Variants in CYP1B1 observed in about 807,000 individuals in gnomAD.
CYP1B1 encodes the protein cytochrome P450 family 1 subfamily B member 1, also known as cytochrome P450 1B1.
CYP1B1 carries 22 observed loss-of-function variants against 29.9 expected under a neutral mutation model. The ratio of observed to expected loss-of-function variants is 0.74; its 90% CI spans 0.53 to 1.05. The LOEUF is 1.05. CYP1B1 is among the 50% of genes least tolerant of loss of function. The pLI is 0.00. For synonymous variants in CYP1B1, 375 were observed against 320.0 expected, an observed-to-expected ratio of 1.17 and a Z score of -1.83; for missense variants, 883 against 746.9, an observed-to-expected ratio of 1.18 and a Z score of -2.12.
chr2:38,075,313 G>T lies in CYP1B1; in HGVS notation c.76C>A (p.Leu26Ile). The change falls in exon 2 of 3, where the codon CTC (leucine) becomes ATC (isoleucine). Residue 26 changes from leucine (L) to isoleucine (I), a missense_variant. By Grantham distance (5) the Leu-to-Ile change is conservative. Coordinates refer to ENST00000610745, the MANE Select transcript of CYP1B1 (RefSeq NM_000104.4). Reference protein sequence around the residue: ...LSIQQTTLLLLLSVLATVHVG... With the variant: ...LSIQQTTLLLILSVLATVHVG... ...TGCACAGTGGCCAGCACCGACAGGA[G>T]TAGCAGGAGCGTGGTCTGCTGGATG... The T allele has an allele frequency of 6.2e-7, 1 of 1,612,416 alleles. No homozygotes were observed. The highest frequency in any genetic ancestry group is 8.5e-7 in the Non-Finnish European group (1 of 1,179,768).
intron 2 of CYP1B1, among the ~76,000 whole-genome samples, chr2:38,072,386 A>T (rs575812379): frequency 1.7e-4 from 26 of 152,310 alleles, no homozygotes; most frequent in Admixed American, 7.8e-4. Context: ...AAATTAAAAT[A>T]AAAATTTTAA....
At position 38,073,147 on chromosome 2, in the gene CYP1B1, T is replaced by A. The variant is rs9341253; in HGVS notation, c.1043+1199A>T. ...GCCTCTCCCTCACCCACCATGGGTGTTTCTATGATTTTAATACTAAAAAGC... is the reference window on the plus strand; with the variant it reads ...GCCTCTCCCTCACCCACCATGGGTGATTCTATGATTTTAATACTAAAAAGC... On this transcript the variant is annotated intron_variant, in intron 2 of 2. Transcript: ENST00000610745. Among the ~76,000 whole-genome samples, 1,262 of 152,354 alleles carry A rather than the reference T, an allele frequency of 8.3e-3. 12 individuals are homozygous for A. The highest frequency in any genetic ancestry group is 0.013 in the Non-Finnish European group (900 of 68,040).
In CYP1B1 at chr2:38,074,618, A is replaced by G. The variant is rs1573275239; in HGVS notation, c.771T>C (p.Val257=). ...GGTTGAGCTGCTCGAATTCGCGGAA[A>G]ACGGTGCGCACCGGGTTGGGGAAGT... ...LQYFPNPVRT[V]FREFEQLNRN... is the part of the protein sequence containing the mutation. The change falls in exon 2 of 3, where the codon GTT becomes GTC. Residue 257 remains valine, a synonymous_variant. Coordinates refer to ENST00000610745, the MANE Select transcript of CYP1B1 (RefSeq NM_000104.4). The G allele has an allele frequency of 6.2e-7, 1 of 1,613,548 alleles. No homozygotes were observed. The highest frequency in any genetic ancestry group is 1.3e-5 in the African/African-American group (1 of 75,046).
rs9341257 is a variant in CYP1B1, at chr2:38,071,601, A to G, written c.1044-291T>C. Among the ~76,000 whole-genome samples, 329 of 152,320 alleles carry G rather than the reference A, an allele frequency of 2.2e-3. 2 individuals are homozygous for G. Among genetic ancestry groups the G allele is most frequent in the Non-Finnish European group, 3.8e-3 (259 of 68,024 alleles). ...AAGTTTTCCCAGCCTCAAAAAGCAC[A>G]ATAGTAGATAAGGCTGACTTTTCCA... On this transcript the variant is annotated intron_variant, in intron 2 of 2. Transcript: ENST00000610745.
rs375391843 is a variant in CYP1B1, at chr2:38,074,688, G to A, written c.701C>T (p.Thr234Met). The A allele has an allele frequency of 6.9e-5, 111 of 1,612,668 alleles. 1 individual carries two copies. The Middle Eastern group carries it at 8.2e-4, about 12-fold the overall frequency. ...LLSHNEEFGR[T>M]VGAGSLVDVM... is the part of the protein sequence containing the mutation. ...GTCCACCAGGCTGCCCGCGCCCACCGTGCGCCCGAACTCTTCGTTGTGGCT... is the reference window on the plus strand; with the variant it reads ...GTCCACCAGGCTGCCCGCGCCCACCATGCGCCCGAACTCTTCGTTGTGGCT... Residue 234 changes from threonine (T) to methionine (M), a missense_variant, in exon 2 of 3, where the codon ACG (threonine) becomes ATG (methionine). Physicochemically the swap from Thr to Met is moderately conservative, Grantham distance 81. Transcript: ENST00000610745.
Position 38,070,893 on chromosome 2 carries a change from C to T in CYP1B1, c.1461G>A (p.Leu487=). Residue 487 remains leucine, a synonymous_variant, in exon 3 of 3, where the codon CTG becomes CTA. Transcript: ENST00000610745. ...KMQLFLFISI[L]AHQCDFRANP... ...TGGCCCTGAAATCGCACTGGTGAGC[C>T]AGGATGGAGATGAAGAGAAAAAGCT... 1 of 1,614,132 alleles carries T rather than the reference C, an allele frequency of 6.2e-7. No individual in the cohort carries two copies. The highest frequency in any genetic ancestry group is 8.5e-7 in the Non-Finnish European group (1 of 1,180,032).
chr2:38,070,491 G>T lies in CYP1B1; in HGVS notation c.*231C>A. 1.8e-6 allele frequency: 1 copy of T among 556,300 alleles called. No individual in the cohort carries two copies. Among genetic ancestry groups the T allele is most frequent in the Admixed American group, 3.4e-5 (1 of 29,782 alleles). The allele number at this position is 556,300 out of a possible 1,614,324, so 34.5% of individuals were successfully genotyped here. A position where few individuals can be genotyped will look rare whatever the true frequency, so the allele number is the denominator to read the frequency against. ...GCAGTATGTATATAATAATTCATTG[G>T]GCCCTTTAAGTCTTTGACTCAAAAA... is the stretch of plus-strand genomic sequence containing the variant. On this transcript the variant is annotated 3_prime_UTR_variant, in exon 3 of 3. Coordinates refer to ENST00000610745, the MANE Select transcript of CYP1B1 (RefSeq NM_000104.4).
In CYP1B1 at chr2:38,067,898, A is replaced by C. The variant is rs2125313572; in HGVS notation, c.*2824T>G. On this transcript the variant is annotated 3_prime_UTR_variant, in exon 3 of 3. Coordinates refer to ENST00000610745, the MANE Select transcript of CYP1B1 (RefSeq NM_000104.4). ...TTGTGTCACAGCTAAAAACACACAAATTAACATATACTGCTATGCAACTAT... is the reference window on the plus strand; with the variant it reads ...TTGTGTCACAGCTAAAAACACACAACTTAACATATACTGCTATGCAACTAT... 1 of 189,660 alleles carries C rather than the reference A, an allele frequency of 5.3e-6. No individual in the cohort carries two copies. The highest frequency in any genetic ancestry group is 8.5e-5 in the East Asian group (1 of 11,780). 11.7% of individuals were successfully genotyped at this position (189,660 alleles called of 1,614,324 possible).
chr2:38,074,533 C>T lies in CYP1B1; in HGVS notation c.856G>A (p.Gly286Arg), dbSNP rs750132418. Residue 286 changes from glycine (G) to arginine (R), a missense_variant, in exon 2 of 3, where the codon GGG becomes AGG. Transcript: ENST00000610745. ...TCCATCATGTCGCGGGGGGCGGCCC[C>T]GGGCCGAAGGCTTTCGCAGTGCCTC... is the stretch of plus-strand genomic sequence containing the variant. ...FLRHCESLRP[G>R]AAPRDMMDAF... 3 of 1,607,546 alleles carry T rather than the reference C, an allele frequency of 1.9e-6. No homozygotes were observed. The highest frequency in any genetic ancestry group is 1.7e-5 in the Admixed American group (1 of 58,742).
rs10916 is a variant in CYP1B1 at position 38,070,027 on chromosome 2, C to A, written c.*695G>T. 157,126 of 201,790 alleles carry A rather than the reference C, an allele frequency of 0.78. 61,578 individuals are homozygous for A. The highest frequency in any genetic ancestry group is 0.92 in the South Asian group (4,812 of 5,244). The allele number at this position is 201,790 out of a possible 1,614,324, so 12.5% of individuals were successfully genotyped here. On this transcript the variant is annotated 3_prime_UTR_variant, in exon 3 of 3. Transcript: ENST00000610745. ...ATGCATACTTTAAAATTCATGATAA[C>A]TCATGGAACCCCACTATACTCACTA...
At position 38,074,705 on chromosome 2, in the gene CYP1B1, G is replaced by A. The variant is rs773085958; in HGVS notation, c.684C>T (p.Asn228=). Residue 228 remains asparagine, a synonymous_variant, in exon 2 of 3, where the codon AAC becomes AAT. Coordinates refer to ENST00000610745, the MANE Select transcript of CYP1B1 (RefSeq NM_000104.4). ...CGCCCACCGTGCGCCCGAACTCTTCGTTGTGGCTGAGCAGCTCACGGAACT... is the reference window on the plus strand; with the variant it reads ...CGCCCACCGTGCGCCCGAACTCTTCATTGTGGCTGAGCAGCTCACGGAACT... ...DPEFRELLSH[N]EEFGRTVGAG... The A allele has an allele frequency of 6.2e-6, 10 of 1,612,114 alleles. No homozygotes were observed. The highest frequency in any genetic ancestry group is 3.3e-4 in the Middle Eastern group (2 of 6,060).
Position 38,070,971 on chromosome 2 carries a change from C to G in CYP1B1, c.1383G>C (p.Met461Ile), listed in dbSNP as rs773249406. The G allele has an allele frequency of 6.2e-6, 10 of 1,614,082 alleles. No individual in the cohort carries two copies. The highest frequency in any genetic ancestry group is 5.9e-6 in the Non-Finnish European group (7 of 1,179,944). The change falls in exon 3 of 3, where the codon ATG becomes ATC. Residue 461 changes from methionine (M) to isoleucine (I), a missense_variant. Transcript: ENST00000610745. ...ACCGCCTTTTGCCCACTGAAAAAAT[C>G]ATCACTCTGCTGGTCAGGTCCTTGT... is the stretch of plus-strand genomic sequence containing the variant. ...LINKDLTSRV[M>I]IFSVGKRRCI... is the part of the protein sequence containing the mutation.
chr2:38,074,026 A>T (rs1025135019), intron 2 of CYP1B1: 4 of 476,276 alleles, frequency 8.4e-6, no homozygotes, highest in African/African-American at 7.8e-5. Context: ...ATCAGGGCTC[A>T]TCTCCAAGCA....
Position 38,074,426 on chromosome 2 carries a change from C to A in CYP1B1, c.963G>T (p.Pro321=). The A allele has an allele frequency of 6.2e-7, 1 of 1,613,386 alleles. No individual in the cohort carries two copies. Among genetic ancestry groups the A allele is most frequent in the Non-Finnish European group, 8.5e-7 (1 of 1,179,950 alleles). Residue 321 remains proline, a synonymous_variant, in exon 2 of 3, where the codon CCG becomes CCT. Transcript: ENST00000610745. ...GGARLDLENV[P]ATITDIFGAS... ...CGCCGAAGATGTCAGTGATAGTGGC[C>A]GGTACGTTCTCCAAATCCAGCCGCG...
chr2:38,075,379 T>C lies in CYP1B1; in HGVS notation c.10A>G (p.Ser4Gly). The C allele has an allele frequency of 6.2e-7, 1 of 1,612,638 alleles. No individual in the cohort carries two copies. Among genetic ancestry groups the C allele is most frequent in the South Asian group, 1.1e-5 (1 of 90,904 alleles). MGT[S>G]LSPNDPWPLN... ...GGCCAAGGGTCGTTCGGGCTGAGGC[T>C]GGTGCCCATGCTGGGGACAGAGAGG... Residue 4 changes from serine to glycine, a missense_variant, in exon 2 of 3, where the codon AGC becomes GGC. Ser to Gly is a moderately conservative substitution (Grantham distance 56). Transcript: ENST00000610745.
chr2:38,072,962 G>A (rs548057976), intron 2 of CYP1B1, among the ~76,000 whole-genome samples: 1 of 152,194 alleles, frequency 6.6e-6, no homozygotes, highest in South Asian at 2.1e-4. Flanking sequence ...TCTTTTTGCC[G>A]CCTAATTGGA....
chr2:38,069,232 T>G lies in CYP1B1; in HGVS notation c.*1490A>C, dbSNP rs1682378327. On this transcript the variant is annotated 3_prime_UTR_variant, in exon 3 of 3. Coordinates refer to ENST00000610745, the MANE Select transcript of CYP1B1 (RefSeq NM_000104.4). The stretch of plus-strand genomic sequence containing the variant: ...TCCAAGACTATCTTCTGATTCTGAC[T>G]TTCCAAAAAGCAGGCATTAATGTTA... 1.8e-5 allele frequency: 4 copies of G among 224,538 alleles called. No homozygotes were observed. The highest frequency in any genetic ancestry group is 3.6e-5 in the Non-Finnish European group (4 of 112,556). 13.9% of individuals were successfully genotyped at this position (224,538 alleles called of 1,614,324 possible). A position where few individuals can be genotyped will look rare whatever the true frequency, so the allele number is the denominator to read the frequency against.
chr2:38,070,777 A>C lies in CYP1B1; in HGVS notation c.1577T>G (p.Met526Arg). The change falls in exon 3 of 3, where the codon ATG becomes AGG. Residue 526 changes from methionine to arginine, a missense_variant. Coordinates refer to ENST00000610745, the MANE Select transcript of CYP1B1 (RefSeq NM_000104.4). ...FKVNVTLRES[M>R]ELLDSAVQNL... The stretch of plus-strand genomic sequence containing the variant: ...TTGGACAGCACTATCAAGGAGCTCC[A>C]TGGACTCTCTGAGAGTGACATTGAC... 1 of 1,614,220 alleles carries C rather than the reference A, an allele frequency of 6.2e-7. No individual in the cohort carries two copies. The highest frequency in any genetic ancestry group is 8.5e-7 in the Non-Finnish European group (1 of 1,180,026).
At chr2:38,072,290 C>T (rs111888224) in intron 2 of CYP1B1, among the ~76,000 whole-genome samples, 2 of 152,090 alleles carry the variant, frequency 1.3e-5, no homozygotes, top group African/African-American at 2.4e-5. Context: ...TGCCAGACAG[C>T]GGCGGGAGAA....
Sources: gnomAD v4.1 joint callset for allele counts (sites outside exome capture counted in the v4.1 genomes callset) on GRCh38, gnomAD v4.1.1 for gene constraint, MANE v1.5 for transcripts, NCBI Gene and HGNC (gene_info 2026-07-23, HGNC 2026-07-21) for gene names.